CFAP299: variants seen among roughly 807,000 people sequenced by gnomAD.
The protein encoded by CFAP299 is cilia- and flagella-associated protein 299.
CFAP299 carries 21 observed loss-of-function variants against 27.0 expected under a neutral mutation model. The observed-to-expected ratio is 0.78, with a 90% CI of 0.55 to 1.12. The LOEUF (loss-of-function observed/expected upper bound fraction) is 1.12. Ranked by LOEUF, CFAP299 falls within the 50% of genes most tolerant of loss-of-function variation. CFAP299 has a pLI of 0.00. For synonymous variants in CFAP299, 104 were observed against 98.1 expected, an observed-to-expected ratio of 1.06 and a Z score of -0.36; for missense variants, 310 against 276.6, an observed-to-expected ratio of 1.12 and a Z score of -0.86.
At chr4:80,441,996 A>G (rs541309134) in intron 2 of CFAP299, among the ~76,000 whole-genome samples, 2 of 152,348 alleles carry the variant, frequency 1.3e-5, no homozygotes, top group African/African-American at 2.4e-5. Context: ...CAATGCAACA[A>G]GAATAGCTAA....
intron 4 of CFAP299, among the ~76,000 whole-genome samples, chr4:80,943,282 G>A (rs765878845): frequency 1.5e-4 from 23 of 152,032 alleles, no homozygotes; most frequent in Non-Finnish European, 2.8e-4. Context: ...CCCCCTCCCA[G>A]TGACATAAAT....
intron 3 of CFAP299, among the ~76,000 whole-genome samples, chr4:80,590,595 C>T (rs1260032440): frequency 6.6e-6 from 1 of 152,126 alleles, no homozygotes; most frequent in Non-Finnish European, 1.5e-5. Context: ...CGAGATCAAG[C>T]CACTGCACTT....
At chr4:80,859,205 C>A (rs1402982124) in intron 3 of CFAP299, among the ~76,000 whole-genome samples, 1 of 152,116 alleles carries the variant, frequency 6.6e-6, no homozygotes, top group Non-Finnish European at 1.5e-5. Context: ...GGTTTAAAGT[C>A]TGTTTTATCA....
Position 80,395,921 on chromosome 4 carries a change from A to T in CFAP299, c.242+33037A>T, listed in dbSNP as rs532431606. ...ACAGAAAATAATTGACTAAGCTTAG[A>T]AAACCTAAAAAAAGGTTTATTTTCT... On this transcript the variant is annotated intron_variant, in intron 2 of 5. Coordinates refer to ENST00000358105, the MANE Select transcript of CFAP299 (RefSeq NM_152770.3). Among the ~76,000 whole-genome samples the T allele has an allele frequency of 5.5e-4, 84 of 152,274 alleles. No individual in the cohort carries two copies. The Middle Eastern group carries it at 0.01, about 18-fold the overall frequency.
intron 2 of CFAP299, chr4:80,386,410 C>A: frequency 6.5e-7 from 1 of 1,543,020 alleles, no homozygotes; most frequent in East Asian, 2.3e-5. Flanking sequence ...GCCCCTGTGT[C>A]CTTCATCTCC....
intron 3 of CFAP299, among the ~76,000 whole-genome samples, chr4:80,673,125 C>T (rs1477168349): frequency 6.6e-6 from 1 of 152,038 alleles, no homozygotes; most frequent in Non-Finnish European, 1.5e-5. Flanking sequence ...TAGATCTTTC[C>T]TGCTTTCTCT....
the CFAP299 span, among the ~76,000 whole-genome samples, chr4:80,327,678 TATAG>T: frequency 7.5e-6 from 1 of 133,386 alleles, no homozygotes; most frequent in East Asian, 2.1e-4. Context: ...TACATATATA[TATAG>T]AGAGAAGTTA....
intron 2 of CFAP299, among the ~76,000 whole-genome samples, chr4:80,503,077 TG>T (rs1731820359): frequency 6.6e-6 from 1 of 152,166 alleles, no homozygotes; most frequent in Non-Finnish European, 1.5e-5. Flanking sequence ...GCAAGGTTCC[TG>T]CAGTCTGCCT....
chr4:80,945,562 CTT>C (rs965026673), intron 5 of CFAP299, among the ~76,000 whole-genome samples: 29 of 151,790 alleles, frequency 1.9e-4, no homozygotes, highest in African/African-American at 6.8e-4. Context: ...AAAGTTAAAA[CTT>C]TGCTTGAAGT....
chr4:80,559,478 T>A (rs778625967), intron 2 of CFAP299, among the ~76,000 whole-genome samples: 93 of 152,150 alleles, frequency 6.1e-4, no homozygotes, highest in Non-Finnish European at 1.2e-3. Context: ...AGTTAACAAC[T>A]ACCTCCACAG....
At chr4:80,387,258 T>A (rs527449259) in intron 2 of CFAP299, 2 of 1,606,460 alleles carry the variant, frequency 1.2e-6, no homozygotes, top group African/African-American at 2.7e-5. Context: ...CCGGGGTAGC[T>A]CAGCTCCTCC....
intron 2 of CFAP299, among the ~76,000 whole-genome samples, chr4:80,441,174 G>A (rs1728339192): frequency 6.6e-6 from 1 of 152,014 alleles, no homozygotes; most frequent in Non-Finnish European, 1.5e-5. Flanking sequence ...AGCAAGACAG[G>A]GCAACATTCA....
intron 2 of CFAP299, among the ~76,000 whole-genome samples, chr4:80,376,101 A>G (rs1192062338): frequency 6.6e-6 from 1 of 152,170 alleles, no homozygotes; most frequent in Non-Finnish European, 1.5e-5. Context: ...GTAGCCCCTG[A>G]CAAACCAGCC....
chr4:80,895,220 G>T (rs967845829), intron 4 of CFAP299, among the ~76,000 whole-genome samples: 1 of 151,152 alleles, frequency 6.6e-6, no homozygotes, highest in African/African-American at 2.4e-5. Flanking sequence ...GTGAAATGAT[G>T]GCTATGTTAA....
At chr4:80,872,296 T>A (rs1733139190) in intron 4 of CFAP299, 1 of 152,102 alleles carries the variant, frequency 6.6e-6, no homozygotes, top group Non-Finnish European at 1.5e-5. Flanking sequence ...TCCATAAAAT[T>A]TCACCCAATG....
chr4:80,377,174 C>T (rs1724458604), intron 2 of CFAP299, among the ~76,000 whole-genome samples: 1 of 151,988 alleles, frequency 6.6e-6, no homozygotes, highest in Non-Finnish European at 1.5e-5. Context: ...TTCTGCGTGT[C>T]CTATGTAAGA....
chr4:80,963,396 C>T (rs957704717), intron 5 of CFAP299, 121 bp from the exon 6 acceptor site: 28 of 644,036 alleles, frequency 4.3e-5, no homozygotes, highest in African/African-American at 1.7e-4. Context: ...TATATATCTC[C>T]GTGGAAACAA....
At chr4:80,777,148 C>T (rs1405035051) in intron 3 of CFAP299, among the ~76,000 whole-genome samples, 2 of 152,120 alleles carry the variant, frequency 1.3e-5, no homozygotes, top group African/African-American at 4.8e-5. Flanking sequence ...CCAAAAAGGA[C>T]TAAATTTCCC....
intron 3 of CFAP299, among the ~76,000 whole-genome samples, chr4:80,717,988 A>G (rs1226939908): frequency 6.6e-6 from 1 of 151,938 alleles, no homozygotes. Flanking sequence ...TTTTTCTCTC[A>G]CTTCTCCTAT....
Sources: gnomAD v4.1 joint callset for allele counts (sites outside exome capture counted in the v4.1 genomes callset) on GRCh38, gnomAD v4.1.1 for gene constraint, MANE v1.5 for transcripts, NCBI Gene and HGNC (gene_info 2026-07-23, HGNC 2026-07-21) for gene names.